Variants in OR11H4 observed in about 807,000 individuals in gnomAD.
OR11H4 encodes olfactory receptor family 11 subfamily H member 4, also known as olfactory receptor 11H4.
For missense variants in OR11H4, 460 were observed against 371.1 expected, an observed-to-expected ratio of 1.24 and a Z score of -1.97; for synonymous variants, 162 against 142.3, an observed-to-expected ratio of 1.14 and a Z score of -0.98.
In OR11H4 at chr14:20,243,664, G is replaced by T; in HGVS notation, c.843G>T (p.Thr281=). 1.2e-6 allele frequency: 2 copies of T among 1,613,908 alleles called. No individual in the cohort carries two copies. The highest frequency in any genetic ancestry group is 1.3e-5 in the African/African-American group (1 of 75,006). ...QKILTLVYSV[T]TPLFNPLIYT... ...TCCTCACACTGGTATATTCAGTAAC[G>T]ACTCCTCTTTTTAATCCTCTGATCT... Residue 281 remains threonine, a synonymous_variant, in exon 2 of 2, where the codon ACG becomes ACT. Coordinates refer to ENST00000641082, the MANE Select transcript of OR11H4 (RefSeq NM_001004479.2).
At position 20,243,388 on chromosome 14, in the gene OR11H4, T is replaced by C. The variant is rs141661414; in HGVS notation, c.567T>C (p.Cys189=). The C allele has an allele frequency of 1.5e-5, 24 of 1,614,034 alleles. No individual in the cohort carries two copies. The highest frequency in any genetic ancestry group is 1.9e-5 in the Non-Finnish European group (23 of 1,180,012). ...TGGACCCATTGATGGCTCTATCCTG[T>C]GCCCCAGCTCCCATAACTGAATGTA... is the stretch of plus-strand genomic sequence containing the variant. ...CDMDPLMALS[C]APAPITECIF... Residue 189 remains cysteine, a synonymous_variant, in exon 2 of 2, where the codon TGT becomes TGC. Transcript: ENST00000641082.
At position 20,243,931 on chromosome 14, in the gene OR11H4, T is replaced by C. The variant is rs1881002680; in HGVS notation, c.*165T>C. The C allele has an allele frequency of 1.8e-6, 1 of 564,530 alleles. No individual in the cohort carries two copies. Among genetic ancestry groups the C allele is most frequent in the Non-Finnish European group, 2.8e-6 (1 of 352,190 alleles). 35.0% of individuals were successfully genotyped at this position (564,530 alleles called of 1,614,324 possible). A position where few individuals can be genotyped will look rare whatever the true frequency, so the allele number is the denominator to read the frequency against. The stretch of plus-strand genomic sequence containing the variant: ...TTTCCAGCACTGACTCTTTAAACCT[T>C]AATTAACTGGTCTTCAACATCCACT... On this transcript the variant is annotated 3_prime_UTR_variant, in exon 2 of 2. Coordinates refer to ENST00000641082, the MANE Select transcript of OR11H4 (RefSeq NM_001004479.2).
In OR11H4 at chr14:20,243,476, A is replaced by G. The variant is rs757525753; in HGVS notation, c.655A>G (p.Ile219Val). Residue 219 changes from isoleucine to valine, a missense_variant, in exon 2 of 2, where the codon ATC becomes GTC. Transcript: ENST00000641082. ...TAGTATGTACATTCTTCGATCCTAT[A>G]TCCTGTTACTAACAGCTGTTTTTCA... ...FTSMYILRSYILLLTAVFQVP... is the reference protein window; with the variant it reads ...FTSMYILRSYVLLLTAVFQVP... 2 of 1,613,748 alleles carry G rather than the reference A, an allele frequency of 1.2e-6. No homozygotes were observed. The highest frequency in any genetic ancestry group is 1.7e-6 in the Non-Finnish European group (2 of 1,179,918).
intron 1 of OR11H4, among the ~76,000 whole-genome samples, chr14:20,240,478 C>G (rs555745233): frequency 6.6e-6 from 1 of 152,158 alleles, no homozygotes; most frequent in African/African-American, 2.4e-5. Flanking sequence ...TTGCCTTTCA[C>G]ATTTTTCTTT....
At chr14:20,241,799 G>C (rs1880928127) in intron 1 of OR11H4, among the ~76,000 whole-genome samples, 2 of 152,048 alleles carry the variant, frequency 1.3e-5, no homozygotes, top group African/African-American at 2.4e-5. Flanking sequence ...TGATAATAAG[G>C]AGAAGGTCAG....
chr14:20,241,474 A>G (rs1319182905), intron 1 of OR11H4, among the ~76,000 whole-genome samples: 1 of 152,184 alleles, frequency 6.6e-6, no homozygotes, highest in African/African-American at 2.4e-5. Flanking sequence ...CATTGGAAAA[A>G]CAAATCAAAA....
At position 20,243,861 on chromosome 14, in the gene OR11H4, T is replaced by G; in HGVS notation, c.*95T>G. 7.8e-7 allele frequency: 1 copy of G among 1,276,314 alleles called. No homozygotes were observed. Among genetic ancestry groups the G allele is most frequent in the African/African-American group, 1.5e-5 (1 of 67,258 alleles). The allele number at this position is 1,276,314 out of a possible 1,614,324, so 79.1% of individuals were successfully genotyped here. On this transcript the variant is annotated 3_prime_UTR_variant, in exon 2 of 2. Transcript: ENST00000641082. ...TCTTTCAGTCCTCAGTCTGAGTAGT[T>G]AGAGGTTGTATATTTTACCTGGAAG...
chr14:20,240,979 A>G (rs1880903584), intron 1 of OR11H4, among the ~76,000 whole-genome samples: 1 of 152,184 alleles, frequency 6.6e-6, no homozygotes, highest in African/African-American at 2.4e-5. Context: ...TAATTCTTAA[A>G]TACATAAACT....
rs757511981 is a variant in OR11H4 at position 20,244,083 on chromosome 14, A to G, written c.*317A>G. The G allele has an allele frequency of 1.0e-4, 21 of 205,890 alleles. No homozygotes were observed. The highest frequency in any genetic ancestry group is 1.7e-4 in the Non-Finnish European group (18 of 102,900). 12.8% of individuals were successfully genotyped at this position (205,890 alleles called of 1,614,324 possible). On this transcript the variant is annotated 3_prime_UTR_variant, in exon 2 of 2. Coordinates refer to ENST00000641082, the MANE Select transcript of OR11H4 (RefSeq NM_001004479.2). ...CTTCCTCATTGCAACAAGACAATAA[A>G]CCCAACTTTGTTCAACTACAGGTAT... is the stretch of plus-strand genomic sequence containing the variant.
At position 20,243,662 on chromosome 14, in the gene OR11H4, A is replaced by G. The variant is rs1315730754; in HGVS notation, c.841A>G (p.Thr281Ala). ...QKILTLVYSVTTPLFNPLIYT... is the reference protein window; with the variant it reads ...QKILTLVYSVATPLFNPLIYT... ...GATCCTCACACTGGTATATTCAGTAACGACTCCTCTTTTTAATCCTCTGAT... is the reference window on the plus strand; with the variant it reads ...GATCCTCACACTGGTATATTCAGTAGCGACTCCTCTTTTTAATCCTCTGAT... The change falls in exon 2 of 2, where the codon ACG becomes GCG. Residue 281 changes from threonine to alanine, a missense_variant. By Grantham distance (58) the Thr-to-Ala change is moderately conservative (BLOSUM62 0). Transcript: ENST00000641082. 1 of 1,614,012 alleles carries G rather than the reference A, an allele frequency of 6.2e-7. No homozygotes were observed. Among genetic ancestry groups the G allele is most frequent in the Admixed American group, 1.7e-5 (1 of 59,996 alleles).
chr14:20,241,403 C>T (rs1198090419), intron 1 of OR11H4, among the ~76,000 whole-genome samples: 1 of 152,094 alleles, frequency 6.6e-6, no homozygotes, highest in East Asian at 1.9e-4. Flanking sequence ...AATGTCTTTT[C>T]TAACAACTTG....
chr14:20,243,079 C>A lies in OR11H4; in HGVS notation c.258C>A (p.Leu86=). 6.2e-7 allele frequency: 1 copy of A among 1,614,178 alleles called. No individual in the cohort carries two copies. The highest frequency in any genetic ancestry group is 1.1e-5 in the South Asian group (1 of 91,080). Residue 86 remains leucine (L), a synonymous_variant, in exon 2 of 2, where the codon CTC becomes CTA. Transcript: ENST00000641082. The stretch of plus-strand genomic sequence containing the variant: ...TTCCTAACATGCTAGTCAACATTCT[C>A]TCCAAGACCAAGGCCATCTCATTTT... ...STIPNMLVNI[L]SKTKAISFSG...
rs1880964048 is a variant in OR11H4 at position 20,242,798 on chromosome 14, T to G, written c.-11-13T>G. 2 of 1,611,042 alleles carry G rather than the reference T, an allele frequency of 1.2e-6. No homozygotes were observed. The highest frequency in any genetic ancestry group is 2.7e-5 in the African/African-American group (2 of 74,942). On this transcript the variant is annotated splice_polypyrimidine_tract_variant and intron_variant, in intron 1 of 1. Coordinates refer to ENST00000641082, the MANE Select transcript of OR11H4 (RefSeq NM_001004479.2). Reference sequence around the variant, plus strand: ...AGAGACTTGGATTACACTCATGTCTTTCTTCTTTGTAGACTTAAGACCCAT... The same window carrying G: ...AGAGACTTGGATTACACTCATGTCTGTCTTCTTTGTAGACTTAAGACCCAT...
intron 1 of OR11H4, among the ~76,000 whole-genome samples, chr14:20,240,289 G>T (rs1487678686): frequency 6.6e-6 from 1 of 152,096 alleles, no homozygotes; most frequent in African/African-American, 2.4e-5. Context: ...CAAGGAAGAT[G>T]GTAAACAAAT....
intron 1 of OR11H4, among the ~76,000 whole-genome samples, chr14:20,242,033 T>G (rs11628417): frequency 0.053 from 7,992 of 152,002 alleles, 322 homozygotes; most frequent in African/African-American, 0.093. Flanking sequence ...GTTTTATACC[T>G]AGACATTCAG....
At chr14:20,240,572 C>A (rs1234014996) in intron 1 of OR11H4, among the ~76,000 whole-genome samples, 1 of 143,376 alleles carries the variant, frequency 7.0e-6, no homozygotes, top group East Asian at 1.9e-4. Flanking sequence ...AATATTGAAA[C>A]TACCTTCTTT....
rs1369573073 is a variant in OR11H4, at chr14:20,243,245, G to A, written c.424G>A (p.Gly142Ser). The A allele has an allele frequency of 6.2e-7, 1 of 1,614,090 alleles. No homozygotes were observed. The highest frequency in any genetic ancestry group is 2.2e-5 in the East Asian group (1 of 44,874). ...TGCCATCATGACTGTAAGGTTCTGT[G>A]GTAAGCTGGTGTCTTTCTGTTGGCT... ...YPAIMTVRFC[G>S]KLVSFCWLIG... Residue 142 changes from glycine to serine, a missense_variant, in exon 2 of 2, where the codon GGT becomes AGT. Physicochemically the swap from Gly to Ser is moderately conservative, Grantham distance 56. Transcript: ENST00000641082.
Position 20,242,955 on chromosome 14 carries a change from T to C in OR11H4, c.134T>C (p.Ile45Thr), listed in dbSNP as rs932189722. ...YVLTLLGNGA[I>T]IYAVRCNPLL... is the part of the protein sequence containing the mutation. ...TTGACCTTGCTGGGAAATGGAGCCA[T>C]CATCTATGCAGTGAGATGCAACCCA... is the stretch of plus-strand genomic sequence containing the variant. The change falls in exon 2 of 2, where the codon ATC becomes ACC. Residue 45 changes from isoleucine to threonine, a missense_variant. Transcript: ENST00000641082. The C allele has an allele frequency of 6.2e-7, 1 of 1,614,150 alleles. No individual in the cohort carries two copies.
rs918200232 is a variant in OR11H4 at position 20,243,650 on chromosome 14, G to A, written c.829G>A (p.Val277Ile). ...PTLLQKILTL[V>I]YSVTTPLFNP... The stretch of plus-strand genomic sequence containing the variant: ...TTTATTGCAGAAGATCCTCACACTG[G>A]TATATTCAGTAACGACTCCTCTTTT... The change falls in exon 2 of 2, where the codon GTA becomes ATA. Residue 277 changes from valine (V) to isoleucine (I), a missense_variant. Physicochemically the swap from Val to Ile is conservative, Grantham distance 29. Transcript: ENST00000641082. 1.2e-6 allele frequency: 2 copies of A among 1,613,754 alleles called. No individual in the cohort carries two copies. Among genetic ancestry groups the A allele is most frequent in the Non-Finnish European group, 1.7e-6 (2 of 1,179,828 alleles).
Sources: gnomAD v4.1 joint callset for allele counts (sites outside exome capture counted in the v4.1 genomes callset) on GRCh38, gnomAD v4.1.1 for gene constraint, MANE v1.5 for transcripts, NCBI Gene and HGNC (gene_info 2026-07-23, HGNC 2026-07-21) for gene names.